Variants in CES5A observed in about 807,000 individuals in gnomAD.
The protein encoded by CES5A is carboxylesterase 5A.
CES5A carries 67 observed loss-of-function variants against 62.9 expected under a neutral mutation model. That is an observed-to-expected ratio of 1.07 (90% CI 0.88 to 1.31). The LOEUF is 1.31. Ranked by LOEUF, CES5A falls within the 50% of genes most tolerant of loss-of-function variation. The probability of loss-of-function intolerance (pLI) is 0.00; values close to 1 mark genes in which losing one functional copy is unlikely to be tolerated. For synonymous variants in CES5A, 296 were observed against 280.8 expected (o/e 1.05, Z -0.54); for missense variants, 748 against 708.5 (o/e 1.06, Z -0.63).
At chr16:55,911,026 CT>C (rs2034087445) in intron 1 of CES5A, among the ~76,000 whole-genome samples, 1 of 152,182 alleles carries the variant, frequency 6.6e-6, no homozygotes, top group Non-Finnish European at 1.5e-5. Context: ...ACTGTGGCTG[CT>C]TTTCCTTCTC....
chr16:55,861,979 CAG>C (rs1449577455), intron 6 of CES5A, among the ~76,000 whole-genome samples: 1 of 152,168 alleles, frequency 6.6e-6, no homozygotes, highest in East Asian at 1.9e-4. Flanking sequence ...CTCAGCTTGT[CAG>C]CCCTGCCCAA....
At position 55,859,668 on chromosome 16, in the gene CES5A, C is replaced by T. The variant is rs563591908; in HGVS notation, c.935G>A (p.Arg312Gln). 121 of 1,608,388 alleles carry T rather than the reference C, an allele frequency of 7.5e-5. 2 individuals carry two copies. The highest frequency in any genetic ancestry group is 6.3e-4 in the Admixed American group (37 of 58,918). The change falls in exon 8 of 13, where the codon CGA (arginine) becomes CAA (glutamine). Residue 312 changes from arginine (R) to glutamine (Q), a missense_variant. Coordinates refer to ENST00000290567, the MANE Select transcript of CES5A (RefSeq NM_001143685.2). ...TLSQKTKSFTRVVDGAFFPNE... is the reference protein window; with the variant it reads ...TLSQKTKSFTQVVDGAFFPNE... ...AGGAAAGAAAGCACCATCAACCACT[C>T]GAGTGAAAGACTTTGTTTTCTGTAA... is the stretch of plus-strand genomic sequence containing the variant.
intron 10 of CES5A, 118 bp downstream of exon 10, chr16:55,852,763 T>G: frequency 8.7e-7 from 1 of 1,143,102 alleles, no homozygotes; most frequent in Non-Finnish European, 1.2e-6. Flanking sequence ...CACCTGGAAA[T>G]GCACTTTCCA....
chr16:55,900,073 T>A (rs1269310593), intron 1 of CES5A, among the ~76,000 whole-genome samples: 2 of 151,124 alleles, frequency 1.3e-5, no homozygotes, highest in Non-Finnish European at 3.0e-5. Flanking sequence ...GCAGTGCAGA[T>A]CCAGACCTGA....
chr16:55,881,908 T>C (rs1448495841), intron 1 of CES5A, among the ~76,000 whole-genome samples: 2 of 152,068 alleles, frequency 1.3e-5, no homozygotes, highest in African/African-American at 4.8e-5. Flanking sequence ...ATAATTACCT[T>C]AATGGGCAAA....
chr16:55,895,901 C>T (rs2033927232), intron 1 of CES5A, among the ~76,000 whole-genome samples: 1 of 152,088 alleles, frequency 6.6e-6, no homozygotes, highest in South Asian at 2.1e-4. Flanking sequence ...CAAATTAATG[C>T]CCTCCTGAGA....
chr16:55,945,703 T>C (rs1433946478), intron 2 of CES5A, among the ~76,000 whole-genome samples: 1 of 152,224 alleles, frequency 6.6e-6, no homozygotes, highest in Admixed American at 6.5e-5. Flanking sequence ...AAGTATGGAA[T>C]TCTGGACTCC....
In CES5A at chr16:55,864,143, T is replaced by C. The variant is rs577596953; in HGVS notation, c.706-691A>G. 3.9e-5 allele frequency among the ~76,000 whole-genome samples: 6 copies of C among 152,204 alleles called. No individual in the cohort carries two copies. The East Asian group carries it at 1.2e-3, about 29-fold the overall frequency. On this transcript the variant is annotated intron_variant, in intron 5 of 12. Transcript: ENST00000290567. Reference sequence around the variant, plus strand: ...AAACTGTTGTGAGGAGCAGGGGAGGTAATAAACATAGAACTCTTCACAGAG... The same window carrying C: ...AAACTGTTGTGAGGAGCAGGGGAGGCAATAAACATAGAACTCTTCACAGAG...
chr16:55,852,968 G>A lies in CES5A; in HGVS notation c.1186C>T (p.Leu396=), dbSNP rs1309627008. ...ANEYFHDKHS[L]TEIRDSLLDL... ...AGAAGACTGTCTCGGATTTCAGTCAGGGAGTGCTTGTCATGGAAGTATTCA... is the reference window on the plus strand; with the variant it reads ...AGAAGACTGTCTCGGATTTCAGTCAAGGAGTGCTTGTCATGGAAGTATTCA... Residue 396 remains leucine, a synonymous_variant, in exon 10 of 13, where the codon CTG becomes TTG. Coordinates refer to ENST00000290567, the MANE Select transcript of CES5A (RefSeq NM_001143685.2). 3 of 1,614,062 alleles carry A rather than the reference G, an allele frequency of 1.9e-6. No individual in the cohort carries two copies. Among genetic ancestry groups the A allele is most frequent in the Admixed American group, 3.3e-5 (2 of 60,010 alleles).
intron 1 of CES5A, among the ~76,000 whole-genome samples, chr16:55,920,629 T>G (rs76052780): frequency 0.012 from 1,758 of 152,254 alleles, 61 homozygotes; most frequent in East Asian, 0.1. Flanking sequence ...GAAGAATCTC[T>G]AAACAAATAC....
At position 55,870,743 on chromosome 16, in the gene CES5A, G is replaced by A. The variant is rs151080580; in HGVS notation, c.417+882C>T. On this transcript the variant is annotated intron_variant, in intron 3 of 12. Transcript: ENST00000290567. ...AAATTTTTATTGATTAGAAAAATTGGGATCAGGGAACATAAAACATTCAAA... is the reference window on the plus strand; with the variant it reads ...AAATTTTTATTGATTAGAAAAATTGAGATCAGGGAACATAAAACATTCAAA... Among the ~76,000 whole-genome samples the A allele has an allele frequency of 4.1e-4, 63 of 152,166 alleles. 2 individuals are homozygous for A. The highest frequency in any genetic ancestry group is 1.4e-3 in the African/African-American group (60 of 41,456).
At chr16:55,930,805 C>A (rs1278729466) in intron 2 of CES5A, among the ~76,000 whole-genome samples, 2 of 152,178 alleles carry the variant, frequency 1.3e-5, no homozygotes, top group East Asian at 3.8e-4. Context: ...TATGTTTTAT[C>A]TCCAATGCCT....
chr16:55,895,790 G>A (rs1035128212), intron 1 of CES5A, among the ~76,000 whole-genome samples: 1 of 152,168 alleles, frequency 6.6e-6, no homozygotes, highest in East Asian at 1.9e-4. Context: ...TTTGGATGTA[G>A]TTTGCTTCCA....
At chr16:55,869,768 A>G in intron 3 of CES5A, 24 bp from the exon 4 acceptor site, 1 of 1,586,724 alleles carries the variant, frequency 6.3e-7, no homozygotes, top group East Asian at 2.3e-5. Flanking sequence ...AAGAGCATCC[A>G]GTCAGCCCAC....
intron 3 of CES5A, among the ~76,000 whole-genome samples, chr16:55,870,352 G>A (rs761298626): frequency 6.6e-6 from 1 of 151,818 alleles, no homozygotes; most frequent in Non-Finnish European, 1.5e-5. Flanking sequence ...AAGGGAGAAG[G>A]AGGAAGGAGG....
chr16:55,930,513 C>T (rs1597154616), intron 2 of CES5A, among the ~76,000 whole-genome samples: 1 of 152,156 alleles, frequency 6.6e-6, no homozygotes, highest in Non-Finnish European at 1.5e-5. Context: ...CTGGTTTTTG[C>T]ACCCCTTAGC....
intron 1 of CES5A, among the ~76,000 whole-genome samples, chr16:55,923,324 A>T (rs1426527501): frequency 6.6e-6 from 1 of 151,662 alleles, no homozygotes; most frequent in African/African-American, 2.4e-5. Flanking sequence ...ATCAGAAATG[A>T]AAAAGGAGAC....
In CES5A at chr16:55,872,078, C is replaced by T. The variant is rs146312501; in HGVS notation, c.279-315G>A. 6.0e-3 allele frequency among the ~76,000 whole-genome samples: 907 copies of T among 152,252 alleles called. 14 individuals are homozygous for T. The highest frequency in any genetic ancestry group is 0.04 in the East Asian group (206 of 5,166). On this transcript the variant is annotated intron_variant, in intron 2 of 12. Coordinates refer to ENST00000290567, the MANE Select transcript of CES5A (RefSeq NM_001143685.2). ...ACCACCATAATATAGACACACATAA[C>T]GACCCAAGCTGGCCCAACAATTCCC...
intron 1 of CES5A, 97 bp downstream of exon 1, chr16:55,875,052 C>T: frequency 8.2e-7 from 1 of 1,217,106 alleles, no homozygotes; most frequent in Non-Finnish European, 1.2e-6. Flanking sequence ...CTCCACTGGC[C>T]CTCAGAGACC....
Sources: allele counts gnomAD v4.1 joint callset (sites outside exome capture counted in the v4.1 genomes callset), GRCh38; gene constraint gnomAD v4.1.1; transcripts MANE v1.5; gene names NCBI Gene and HGNC (gene_info 2026-07-23, HGNC 2026-07-21).